Variants in BAZ2B observed in about 807,000 individuals in gnomAD.
The protein encoded by BAZ2B is bromodomain adjacent to zinc finger domain protein 2B.
In BAZ2B, 91 loss-of-function variants were observed where a neutral mutation model predicts 246.0. The ratio of observed to expected loss-of-function variants is 0.37; its 90% CI spans 0.31 to 0.44. The LOEUF is 0.44. Among genes scored for constraint, BAZ2B ranks in the 20% least tolerant of loss-of-function variants. BAZ2B has a pLI of 1.00. For missense variants in BAZ2B, 2,332 were observed against 2,533.7 expected (o/e 0.92, Z 1.71); for synonymous variants, 855 against 860.0 (o/e 0.99, Z 0.10).
chr2:159,676,647 G>GCACATACACACA, the BAZ2B span, among the ~76,000 whole-genome samples: 1 of 132,544 alleles, frequency 7.5e-6, no homozygotes, highest in Non-Finnish European at 1.6e-5. Flanking sequence ...GTATCTAAAT[G>GCACATACACACA]CACACACACA....
intron 27 of BAZ2B, among the ~76,000 whole-genome samples, chr2:159,370,676 C>A (rs1232082621): frequency 6.6e-6 from 1 of 151,358 alleles, no homozygotes. Context: ...CCGGCCCAGG[C>A]TCTGTACTTC....
chr2:159,479,747 A>C (rs2079033858), intron 2 of BAZ2B, among the ~76,000 whole-genome samples: 1 of 152,194 alleles, frequency 6.6e-6, no homozygotes, highest in Non-Finnish European at 1.5e-5. Flanking sequence ...TCCATAAAGT[A>C]TGTAGATAAT....
intron 36 of BAZ2B, among the ~76,000 whole-genome samples, chr2:159,322,501 A>G (rs1351396302): frequency 6.6e-6 from 1 of 152,222 alleles, no homozygotes; most frequent in Non-Finnish European, 1.5e-5. Context: ...AAATGGAATC[A>G]TACAATCTGT....
chr2:159,412,254 A>G lies in BAZ2B; in HGVS notation c.2677+81T>C, dbSNP rs139909591. 84 of 1,420,972 alleles carry G rather than the reference A, an allele frequency of 5.9e-5. 2 individuals carry two copies. The East Asian group carries it at 1.9e-3, about 32-fold the overall frequency. 88.0% of individuals were successfully genotyped at this position (1,420,972 alleles called of 1,614,324 possible). ...TTTTTAAAAATTGAGAGCAGTGTCA[A>G]TCCTAAGTCAAAAATATTAGAAATA... On this transcript the variant is annotated intron_variant, in intron 14 of 36. Transcript: ENST00000392783.
chr2:159,667,635 A>G, the BAZ2B span, among the ~76,000 whole-genome samples: 1 of 151,160 alleles, frequency 6.6e-6, no homozygotes, highest in Non-Finnish European at 1.5e-5. Flanking sequence ...TAAATAAATA[A>G]ATAAATAAAA....
chr2:159,588,684 T>C (rs955871975), intron 1 of BAZ2B, among the ~76,000 whole-genome samples: 6 of 152,152 alleles, frequency 3.9e-5, no homozygotes, highest in Non-Finnish European at 7.3e-5. Context: ...AACCAAAACA[T>C]ACAACACATT....
intron 13 of BAZ2B, among the ~76,000 whole-genome samples, chr2:159,424,221 C>G (rs901222752): frequency 6.6e-6 from 1 of 151,960 alleles, no homozygotes; most frequent in Non-Finnish European, 1.5e-5. Context: ...AAGATTTTAT[C>G]TTTTCTGAAA....
At chr2:159,711,002 T>C in the BAZ2B span, 1 of 152,206 alleles carries the variant, frequency 6.6e-6, no homozygotes, top group African/African-American at 2.4e-5. Context: ...ACTGACGTGT[T>C]ATCTCATCTA....
At chr2:159,684,065 T>C in the BAZ2B span, among the ~76,000 whole-genome samples, 1 of 152,234 alleles carries the variant, frequency 6.6e-6, no homozygotes, top group Non-Finnish European at 1.5e-5. Flanking sequence ...AATGCAATCA[T>C]TACAGTAAGG....
chr2:159,450,079 T>C (rs2074838891), intron 4 of BAZ2B, among the ~76,000 whole-genome samples: 1 of 152,202 alleles, frequency 6.6e-6, no homozygotes. Context: ...ACAGAGTCTG[T>C]AATTAAAGTG....
intron 2 of BAZ2B, among the ~76,000 whole-genome samples, chr2:159,500,760 C>A (rs2081615035): frequency 1.3e-5 from 2 of 152,008 alleles, no homozygotes; most frequent in African/African-American, 4.8e-5. Context: ...TCGAGACCAG[C>A]CTGGCAGACT....
intron 1 of BAZ2B, among the ~76,000 whole-genome samples, chr2:159,610,037 A>G (rs1159656558): frequency 1.3e-5 from 2 of 152,212 alleles, no homozygotes; most frequent in Non-Finnish European, 2.9e-5. Context: ...CTTCTGAACA[A>G]ATAGGACCGA....
the BAZ2B span, among the ~76,000 whole-genome samples, chr2:159,640,229 G>A: frequency 6.6e-6 from 1 of 152,068 alleles, no homozygotes; most frequent in Non-Finnish European, 1.5e-5. Context: ...ACTAAAGAGA[G>A]AGATAGATTC....
intron 1 of BAZ2B, among the ~76,000 whole-genome samples, chr2:159,559,748 A>G (rs2089629475): frequency 1.3e-5 from 2 of 152,222 alleles, no homozygotes; most frequent in South Asian, 4.1e-4. Flanking sequence ...CTGCTCATAA[A>G]AATCCTAAGT....
chr2:159,442,400 C>A (rs529760002), intron 6 of BAZ2B, among the ~76,000 whole-genome samples: 1 of 152,288 alleles, frequency 6.6e-6, no homozygotes, highest in Non-Finnish European at 1.5e-5. Context: ...GAGGTCAGAT[C>A]ACACAGCTCT....
intron 1 of BAZ2B, among the ~76,000 whole-genome samples, chr2:159,569,139 A>C (rs1354836435): frequency 6.6e-6 from 1 of 152,202 alleles, no homozygotes; most frequent in Non-Finnish European, 1.5e-5. Flanking sequence ...TAAGCATTAC[A>C]TATTTACACT....
the BAZ2B span, among the ~76,000 whole-genome samples, chr2:159,639,495 TAGAGTG>T: frequency 6.6e-6 from 1 of 151,958 alleles, no homozygotes; most frequent in Non-Finnish European, 1.5e-5. Flanking sequence ...CATAGACAGT[TAGAGTG>T]AAACAAGGAG....
intron 21 of BAZ2B, among the ~76,000 whole-genome samples, chr2:159,388,899 AC>A (rs1456549301): frequency 6.6e-6 from 1 of 151,988 alleles, no homozygotes; most frequent in Non-Finnish European, 1.5e-5. Context: ...GTCTGCCGCT[AC>A]AAAAAATTAA....
chr2:159,355,106 G>C (rs1346164115), intron 27 of BAZ2B, among the ~76,000 whole-genome samples: 2 of 152,124 alleles, frequency 1.3e-5, no homozygotes, highest in Non-Finnish European at 2.9e-5. Flanking sequence ...TTGGACTGAA[G>C]CAAGCTAAAA....
Sources: gnomAD v4.1 joint callset for allele counts (sites outside exome capture counted in the v4.1 genomes callset) on GRCh38, gnomAD v4.1.1 for gene constraint, MANE v1.5 for transcripts, NCBI Gene and HGNC (gene_info 2026-07-23, HGNC 2026-07-21) for gene names.